PHLDB2: variants seen among roughly 807,000 people sequenced by gnomAD.
PHLDB2 encodes pleckstrin homology-like domain family B member 2.
Under a neutral mutation model 123.6 loss-of-function variants are expected in PHLDB2, and 71 were observed. The observed-to-expected ratio is 0.57, with a 90% CI of 0.47 to 0.70. The LOEUF (loss-of-function observed/expected upper bound fraction) is 0.70. Among genes scored for constraint, PHLDB2 ranks in the 30% least tolerant of loss-of-function variants. The pLI, the probability that PHLDB2 is intolerant of heterozygous loss-of-function variation, is 0.00. For missense variants in PHLDB2, 1,446 were observed against 1,519.5 expected, an observed-to-expected ratio of 0.95 and a Z score of 0.80; for synonymous variants, 547 against 541.6, an observed-to-expected ratio of 1.01 and a Z score of -0.14.
chr3:111,793,136 C>G (rs2061000030), intron 1 of PHLDB2, among the ~76,000 whole-genome samples: 2 of 152,202 alleles, frequency 1.3e-5, no homozygotes, highest in Non-Finnish European at 2.9e-5. Flanking sequence ...TTCCCCCACC[C>G]AACCCAGGGC....
intron 2 of PHLDB2, among the ~76,000 whole-genome samples, chr3:111,894,825 A>AT (rs1238722902): frequency 1.3e-5 from 2 of 152,006 alleles, no homozygotes; most frequent in Non-Finnish European, 2.9e-5. Context: ...AAGTAAGTAC[A>AT]TTTTTTGTCA....
chr3:111,886,566 G>A (rs1440872273), intron 2 of PHLDB2, among the ~76,000 whole-genome samples: 3 of 152,068 alleles, frequency 2.0e-5, no homozygotes, highest in Admixed American at 2.0e-4. Flanking sequence ...GATTATAATG[G>A]ACAGAAACCA....
chr3:111,872,172 A>C (rs2065370085), intron 1 of PHLDB2, among the ~76,000 whole-genome samples: 1 of 152,242 alleles, frequency 6.6e-6, no homozygotes, highest in Non-Finnish European at 1.5e-5. Flanking sequence ...CGCTTCTCCC[A>C]GCCCATTCTG....
chr3:111,957,881 T>A (rs2071151885), intron 12 of PHLDB2, among the ~76,000 whole-genome samples: 1 of 152,228 alleles, frequency 6.6e-6, no homozygotes, highest in Admixed American at 6.5e-5. Context: ...CTTGAGCTCT[T>A]AAAAACTATT....
At chr3:111,891,859 A>G (rs113092803) in intron 2 of PHLDB2, among the ~76,000 whole-genome samples, 2 of 152,172 alleles carry the variant, frequency 1.3e-5, no homozygotes, top group African/African-American at 4.8e-5. Flanking sequence ...TCATTTTCAG[A>G]AGAAAAGGGG....
chr3:111,966,059 A>G (rs1031954792), intron 13 of PHLDB2, among the ~76,000 whole-genome samples: 5 of 152,204 alleles, frequency 3.3e-5, no homozygotes, highest in Admixed American at 1.3e-4. Flanking sequence ...TCATGTTTTA[A>G]TTGGCATCAT....
intron 1 of PHLDB2, among the ~76,000 whole-genome samples, chr3:111,837,076 C>T (rs1343471560): frequency 1.3e-5 from 2 of 152,130 alleles, no homozygotes; most frequent in African/African-American, 2.4e-5. Context: ...TATCTCTGTA[C>T]CTCAGTATCC....
chr3:111,952,452 CT>C (rs2107636768), intron 10 of PHLDB2, 119 bp from the exon 11 acceptor site: 1 of 1,138,676 alleles, frequency 8.8e-7, no homozygotes, highest in Non-Finnish European at 1.2e-6. Flanking sequence ...TGTTGAATAA[CT>C]TTAAGAAAAA....
At chr3:111,784,111 T>C (rs1375929930) in intron 1 of PHLDB2, among the ~76,000 whole-genome samples, 2 of 152,108 alleles carry the variant, frequency 1.3e-5, no homozygotes, top group African/African-American at 4.8e-5. Context: ...GAAAATACGT[T>C]GGTTAATAGG....
intron 1 of PHLDB2, among the ~76,000 whole-genome samples, chr3:111,883,385 A>C (rs1052860758): frequency 1.5e-4 from 23 of 152,274 alleles, no homozygotes; most frequent in Admixed American, 3.3e-4. Flanking sequence ...GGTACTAGAA[A>C]ATTTAAAGGA....
intron 1 of PHLDB2, among the ~76,000 whole-genome samples, chr3:111,789,475 GAAGA>G (rs1007934144): frequency 2.0e-4 from 31 of 152,184 alleles, no homozygotes; most frequent in African/African-American, 7.5e-4. Context: ...TTTAAAAAAA[GAAGA>G]AAGATTTAAC....
rs534875841 is a variant in PHLDB2 at position 111,877,616 on chromosome 3, G to C, written c.-14-6448G>C. ...TTGACTTTTGTTGCCATTGCTTTTG[G>C]TGTTTTAGTCATGAAGTCTTTGCCC... is the stretch of plus-strand genomic sequence containing the variant. On this transcript the variant is annotated intron_variant, in intron 1 of 17. Coordinates refer to ENST00000431670, the MANE Select transcript of PHLDB2 (RefSeq NM_001134438.2). Among the ~76,000 whole-genome samples, 13 of 152,210 alleles carry C rather than the reference G, an allele frequency of 8.5e-5. No homozygotes were observed. The South Asian group carries it at 2.7e-3, about 32-fold the overall frequency.
chr3:111,751,454 G>A (rs1194667426), intron 1 of PHLDB2, among the ~76,000 whole-genome samples: 4 of 151,900 alleles, frequency 2.6e-5, no homozygotes, highest in African/African-American at 9.7e-5. Flanking sequence ...AACACAGCCC[G>A]TGAATCTTAA....
At chr3:111,734,765 G>A (rs1941628401) in intron 1 of PHLDB2, among the ~76,000 whole-genome samples, 1 of 152,178 alleles carries the variant, frequency 6.6e-6, no homozygotes, top group South Asian at 2.1e-4. Flanking sequence ...CCAACCCAGT[G>A]CATTTCCCAT....
At chr3:111,746,968 A>C (rs1255936715) in intron 1 of PHLDB2, among the ~76,000 whole-genome samples, 1 of 152,222 alleles carries the variant, frequency 6.6e-6, no homozygotes, top group African/African-American at 2.4e-5. Flanking sequence ...CTTCAAAGTT[A>C]GGGAACGTTT....
intron 2 of PHLDB2, among the ~76,000 whole-genome samples, chr3:111,893,714 G>A (rs1577016373): frequency 6.9e-6 from 1 of 145,256 alleles, no homozygotes; most frequent in South Asian, 2.2e-4. Context: ...GAAATATGAT[G>A]TGAGCCATGA....
chr3:111,795,407 T>C (rs1202250057), intron 1 of PHLDB2, among the ~76,000 whole-genome samples: 1 of 152,198 alleles, frequency 6.6e-6, no homozygotes, highest in Non-Finnish European at 1.5e-5. Flanking sequence ...GCTTCTGTTC[T>C]CTCTGTGGTA....
At chr3:111,743,936 A>G (rs954632213) in intron 1 of PHLDB2, among the ~76,000 whole-genome samples, 6 of 152,374 alleles carry the variant, frequency 3.9e-5, no homozygotes, top group African/African-American at 1.4e-4. Context: ...AAGAATATCT[A>G]TAAAAGTTAA....
chr3:111,780,330 A>G (rs188012145), intron 1 of PHLDB2, among the ~76,000 whole-genome samples: 1,576 of 10,364 alleles, frequency 0.15, 82 homozygotes, highest in East Asian at 0.36. Context: ...AGGAAGAAGA[A>G]GAAGAAGAAG....
Sources: allele counts gnomAD v4.1 joint callset (sites outside exome capture counted in the v4.1 genomes callset), GRCh38; gene constraint gnomAD v4.1.1; transcripts MANE v1.5; gene names NCBI Gene and HGNC (gene_info 2026-07-23, HGNC 2026-07-21).